Variants in ITGB1BP1 observed in about 807,000 individuals in gnomAD.
The protein encoded by ITGB1BP1 is integrin beta-1-binding protein 1.
ITGB1BP1 carries 20 observed loss-of-function variants against 28.0 expected under a neutral mutation model. That is an observed-to-expected ratio of 0.71 (90% CI 0.50 to 1.04). ITGB1BP1 has a LOEUF of 1.04. Among genes scored for constraint, ITGB1BP1 ranks in the 50% least tolerant of loss-of-function variants. The pLI, the probability that ITGB1BP1 is intolerant of heterozygous loss-of-function variation, is 0.00. For missense variants in ITGB1BP1, 228 were observed against 242.5 expected (o/e 0.94, Z 0.40); for synonymous variants, 103 against 89.5 (o/e 1.15, Z -0.85).
Position 9,412,314 on chromosome 2 carries a change from G to C in ITGB1BP1, c.243C>G (p.Gly81=), listed in dbSNP as rs767791895. Residue 81 remains glycine, a synonymous_variant, in exon 4 of 7, where the codon GGC becomes GGG. Transcript: ENST00000355346. ...IEKLKLSEGK[G]LEGPLDLINY... Reference sequence around the variant, plus strand: ...TTATCAGGTCTAATGGCCCTTCAAGGCCTTTTCCCTCGGAGAGTTTCAGTT... The same window carrying C: ...TTATCAGGTCTAATGGCCCTTCAAGCCCTTTTCCCTCGGAGAGTTTCAGTT... 1.2e-6 allele frequency: 2 copies of C among 1,612,118 alleles called. No individual in the cohort carries two copies. The highest frequency in any genetic ancestry group is 1.3e-5 in the African/African-American group (1 of 74,826).
chr2:9,421,762 G>C (rs1035789140), intron 1 of ITGB1BP1, among the ~76,000 whole-genome samples: 5 of 151,878 alleles, frequency 3.3e-5, no homozygotes, highest in African/African-American at 1.2e-4. Flanking sequence ...TGCTCCGCAG[G>C]CTCATCAAAT....
intron 6 of ITGB1BP1, 146 bp from the exon 7 acceptor site, chr2:9,407,051 A>C: frequency 3.0e-6 from 2 of 664,720 alleles, no homozygotes; most frequent in Non-Finnish European, 5.4e-6. Context: ...AGTGGAACCC[A>C]TACTATGAGC....
At chr2:9,421,908 A>G (rs1214830581) in intron 1 of ITGB1BP1, among the ~76,000 whole-genome samples, 1 of 152,016 alleles carries the variant, frequency 6.6e-6, no homozygotes, top group African/African-American at 2.4e-5. Context: ...TTCAGGCCCC[A>G]CATCCAATCT....
chr2:9,411,334 G>A (rs1678350361), intron 4 of ITGB1BP1, among the ~76,000 whole-genome samples: 1 of 152,152 alleles, frequency 6.6e-6, no homozygotes, highest in Admixed American at 6.5e-5. Flanking sequence ...GTACGGTAAG[G>A]TTTTGCCAGA....
At position 9,406,855 on chromosome 2, in the gene ITGB1BP1, TAC is replaced by T; in HGVS notation, c.580_581del (p.Val194IlefsTer4). On this transcript the variant is annotated frameshift_variant, in exon 7 of 7. Coordinates refer to ENST00000355346, the MANE Select transcript of ITGB1BP1 (RefSeq NM_004763.5). LOFTEE classifies it high-confidence loss of function. ...CKVLSTAFDS[V>X]LTSEKP is the part of the protein sequence containing the mutation. ...GGATTCAGGGTTTCTCAGATGTTAA[TAC>T]AGAGTCAAAAGCGGTGGATAAAACC... The T allele has an allele frequency of 6.2e-7, 1 of 1,613,058 alleles. No individual in the cohort carries two copies. The highest frequency in any genetic ancestry group is 8.5e-7 in the Non-Finnish European group (1 of 1,179,000).
intron 6 of ITGB1BP1, chr2:9,407,232 C>A (rs1055728269): frequency 1.6e-6 from 1 of 614,006 alleles, no homozygotes; most frequent in African/African-American, 1.8e-5. Context: ...CCTTTTAAAT[C>A]CCGGCACAAG....
intron 2 of ITGB1BP1, among the ~76,000 whole-genome samples, chr2:9,416,684 C>T (rs573038343): frequency 1.4e-4 from 21 of 152,292 alleles, no homozygotes; most frequent in African/African-American, 5.1e-4. Flanking sequence ...CCAACTAATA[C>T]GACTTCCTCC....
In ITGB1BP1 at chr2:9,406,122, C is replaced by CTGTGACA. The variant is rs1490726419; in HGVS notation, c.*711_*712insTGTCACA. 4.2e-5 allele frequency: 2 copies of CTGTGACA among 47,736 alleles called. No individual in the cohort carries two copies. The highest frequency in any genetic ancestry group is 2.3e-4 in the Admixed American group (1 of 4,356). The allele number at this position is 47,736 out of a possible 1,614,324, so 3.0% of individuals were successfully genotyped here. A position where few individuals can be genotyped will look rare whatever the true frequency, so the allele number is the denominator to read the frequency against. Reference sequence around the variant, plus strand: ...GTGGACCTCTGTGACATCTCGTCTTCCTCAGGCCTTCAGTGTGTGTTTGTC... The same window carrying CTGTGACA: ...GTGGACCTCTGTGACATCTCGTCTTCTGTGACACTCAGGCCTTCAGTGTGTGTTTGTC... On this transcript the variant is annotated 3_prime_UTR_variant, in exon 7 of 7. Transcript: ENST00000355346.
intron 2 of ITGB1BP1, among the ~76,000 whole-genome samples, chr2:9,416,473 G>A (rs1421857433): frequency 4.6e-5 from 7 of 152,138 alleles, no homozygotes; most frequent in Non-Finnish European, 8.8e-5. Context: ...CCAAGGAGAA[G>A]AGTCTGCCTC....
chr2:9,412,918 C>T (rs1489496729), intron 3 of ITGB1BP1, among the ~76,000 whole-genome samples: 3 of 152,172 alleles, frequency 2.0e-5, no homozygotes, highest in African/African-American at 7.2e-5. Context: ...GAAGCCTACT[C>T]TTCCTCTATC....
rs1677099644 is a variant in ITGB1BP1 at position 9,405,077 on chromosome 2, T to TA, written c.*1756dup. 1 of 152,498 alleles carries TA rather than the reference T, an allele frequency of 6.6e-6. No homozygotes were observed. The highest frequency in any genetic ancestry group is 2.4e-5 in the African/African-American group (1 of 41,436). 9.4% of individuals were successfully genotyped at this position (152,498 alleles called of 1,614,324 possible). On this transcript the variant is annotated 3_prime_UTR_variant, in exon 7 of 7. Transcript: ENST00000355346. ...CACCTGGTGCCAGCTATATAAGGAATAAAGTTGATTCATATCAACATTAGA... is the reference window on the plus strand; with the variant it reads ...CACCTGGTGCCAGCTATATAAGGAATAAAAGTTGATTCATATCAACATTAGA...
intron 4 of ITGB1BP1, among the ~76,000 whole-genome samples, chr2:9,409,159 C>T (rs534309759): frequency 9.2e-5 from 14 of 152,334 alleles, no homozygotes; most frequent in African/African-American, 2.6e-4. Flanking sequence ...GATCCGGTCT[C>T]GGCTCCCAGA....
chr2:9,418,858 T>C (rs1679467001), intron 1 of ITGB1BP1, 126 bp from the exon 2 acceptor site: 1 of 673,806 alleles, frequency 1.5e-6, no homozygotes, highest in South Asian at 1.8e-5. Flanking sequence ...CTCTGCAGTC[T>C]TGACCTCACA....
intron 1 of ITGB1BP1, chr2:9,420,117 A>AAC: frequency 1.2e-6 from 1 of 841,366 alleles, no homozygotes; most frequent in Non-Finnish European, 1.4e-6. Context: ...AAGGAAAAAG[A>AAC]ACGAGCAACT....
intron 6 of ITGB1BP1, 158 bp from the exon 7 acceptor site, chr2:9,407,063 T>A (rs1558418859): frequency 3.1e-6 from 2 of 639,164 alleles, no homozygotes; most frequent in Non-Finnish European, 5.6e-6. Context: ...ACTATGAGCT[T>A]CCCTGCACGT....
At position 9,415,300 on chromosome 2, in the gene ITGB1BP1, AC is replaced by A. The variant is rs1252412829; in HGVS notation, c.73-1045del. Among the ~76,000 whole-genome samples, 1 of 152,098 alleles carries A rather than the reference AC, an allele frequency of 6.6e-6. No homozygotes were observed. Among genetic ancestry groups the A allele is most frequent in the Non-Finnish European group, 1.5e-5 (1 of 68,026 alleles). ...AGGCTGAGGCAGGAGAATAGCTTGAACCCAGGAGGTGGAGGTTGCAGTGAGC... is the reference window on the plus strand; with the variant it reads ...AGGCTGAGGCAGGAGAATAGCTTGAACCAGGAGGTGGAGGTTGCAGTGAGC... On this transcript the variant is annotated intron_variant, in intron 2 of 6. Coordinates refer to ENST00000355346, the MANE Select transcript of ITGB1BP1 (RefSeq NM_004763.5). The surrounding 1 kb of genome is among the most constrained non-coding windows in gnomAD (Gnocchi z 4.1).
chr2:9,416,544 C>A (rs1436980262), intron 2 of ITGB1BP1, among the ~76,000 whole-genome samples: 1 of 152,242 alleles, frequency 6.6e-6, no homozygotes, highest in African/African-American at 2.4e-5. Flanking sequence ...TCCCAGGGGT[C>A]TTCAGCCCGC....
At chr2:9,420,296 T>G (rs1679647952) in intron 1 of ITGB1BP1, 1 of 152,304 alleles carries the variant, frequency 6.6e-6, no homozygotes, top group Admixed American at 6.5e-5. Flanking sequence ...TCTATATTTT[T>G]GCTTTATTTG....
chr2:9,418,811 C>A, intron 1 of ITGB1BP1, 79 bp from the exon 2 acceptor site: 2 of 1,012,016 alleles, frequency 2.0e-6, no homozygotes, highest in Non-Finnish European at 3.0e-6. Flanking sequence ...CAGAGTCTTG[C>A]TCTTACCCAG....
Sources: allele counts gnomAD v4.1 joint callset (sites outside exome capture counted in the v4.1 genomes callset), GRCh38; gene constraint gnomAD v4.1.1; non-coding constraint Gnocchi (gnomAD v3.1); transcripts MANE v1.5; gene names NCBI Gene and HGNC (gene_info 2026-07-23, HGNC 2026-07-21).